The following FAM114A1 variants were observed in gnomAD, a reference collection of about 807,000 sequenced individuals.
FAM114A1 encodes family with sequence similarity 114 member A1.
A neutral mutation model predicts 64.3 loss-of-function variants in FAM114A1; 62 were observed. That is an observed-to-expected ratio of 0.96 (90% confidence interval 0.79 to 1.19). FAM114A1 has a LOEUF of 1.19. FAM114A1 is among the 50% of genes most tolerant of loss of function. FAM114A1 has a pLI of 0.00. For synonymous variants in FAM114A1, 254 were observed against 251.1 expected, an observed-to-expected ratio of 1.01 and a Z score of -0.11; for missense variants, 645 against 676.3, an observed-to-expected ratio of 0.95 and a Z score of 0.51.
intron 6 of FAM114A1, among the ~76,000 whole-genome samples, chr4:38,907,222 A>G (rs1398789348): frequency 6.6e-6 from 1 of 152,218 alleles, no homozygotes; most frequent in Non-Finnish European, 1.5e-5. Context: ...GTCAAGTAGC[A>G]ATACAAGTCA....
intron 2 of FAM114A1, among the ~76,000 whole-genome samples, chr4:38,869,116 A>G (rs1009709090): frequency 2.0e-5 from 3 of 152,244 alleles, no homozygotes; most frequent in African/African-American, 7.2e-5. Context: ...ATTTCAATTC[A>G]GTAAATATCT....
chr4:38,933,197 A>C (rs1043487159), intron 12 of FAM114A1, among the ~76,000 whole-genome samples: 2 of 152,212 alleles, frequency 1.3e-5, no homozygotes, highest in Non-Finnish European at 2.9e-5. Context: ...AGCAAGAAGA[A>C]GACTTAACTA....
At chr4:38,885,183 C>G (rs1340622508) in intron 3 of FAM114A1, among the ~76,000 whole-genome samples, 1 of 152,126 alleles carries the variant, frequency 6.6e-6, no homozygotes, top group African/African-American at 2.4e-5. Context: ...CCATGTTAGC[C>G]AGGCTGGTCT....
At position 38,872,558 on chromosome 4, in the gene FAM114A1, G is replaced by A. The variant is rs540264460; in HGVS notation, c.-9+4012G>A. ...TATCAGACAATGTCTACCATCTACC[G>A]ATTTAAAAAAATGAGAATAAAAGTG... On this transcript the variant is annotated intron_variant, in intron 2 of 14. Coordinates refer to ENST00000358869, the MANE Select transcript of FAM114A1 (RefSeq NM_138389.4). Among the ~76,000 whole-genome samples, 9 of 152,178 alleles carry A rather than the reference G, an allele frequency of 5.9e-5. No homozygotes were observed. The South Asian group carries it at 1.5e-3, about 25-fold the overall frequency.
chr4:38,929,989 A>T (rs1420845999), intron 10 of FAM114A1, among the ~76,000 whole-genome samples: 1 of 152,136 alleles, frequency 6.6e-6, no homozygotes, highest in East Asian at 1.9e-4. Context: ...AGGGCAGGGA[A>T]AAAGGGTGCA....
At chr4:38,884,530 G>A (rs548098920) in intron 3 of FAM114A1, among the ~76,000 whole-genome samples, 23 of 152,284 alleles carry the variant, frequency 1.5e-4, no homozygotes, top group African/African-American at 5.5e-4. Flanking sequence ...TTAGGGTTTT[G>A]TTTTGCTTTT....
chr4:38,932,038 C>A (rs1478673488), intron 11 of FAM114A1, among the ~76,000 whole-genome samples, 197 bp from the exon 12 acceptor site: 1 of 152,244 alleles, frequency 6.6e-6, no homozygotes, highest in Non-Finnish European at 1.5e-5. Flanking sequence ...AGACCTGCCA[C>A]ATCCGTGGGG....
intron 3 of FAM114A1, among the ~76,000 whole-genome samples, chr4:38,881,734 C>A (rs939576950): frequency 1.3e-5 from 2 of 152,176 alleles, no homozygotes; most frequent in Non-Finnish European, 2.9e-5. Flanking sequence ...TATGCCTAGT[C>A]TTTGATTATT....
chr4:38,923,725 CA>C (rs1180716110), intron 9 of FAM114A1, among the ~76,000 whole-genome samples: 2 of 152,198 alleles, frequency 1.3e-5, no homozygotes, highest in Non-Finnish European at 2.9e-5. Context: ...CATTTTCTGA[CA>C]GTGCACCAGG....
chr4:38,929,161 C>A, intron 9 of FAM114A1, 81 bp from the exon 10 acceptor site: 1 of 1,089,862 alleles, frequency 9.2e-7, no homozygotes, highest in Non-Finnish European at 1.4e-6. Flanking sequence ...ACCCCAGCTG[C>A]AGGCTGTAAT....
At chr4:38,920,194 G>A (rs1719453606) in intron 8 of FAM114A1, among the ~76,000 whole-genome samples, 1 of 151,126 alleles carries the variant, frequency 6.6e-6, no homozygotes, top group Non-Finnish European at 1.5e-5. Context: ...GCAGCAGAAT[G>A]AGACCCGTCT....
At chr4:38,881,893 T>G (rs972283753) in intron 3 of FAM114A1, among the ~76,000 whole-genome samples, 1 of 152,224 alleles carries the variant, frequency 6.6e-6, no homozygotes, top group African/African-American at 2.4e-5. Context: ...ACAAGGTGGT[T>G]GTTTGGATTG....
At chr4:38,888,231 C>T (rs979886258) in intron 3 of FAM114A1, among the ~76,000 whole-genome samples, 5 of 151,496 alleles carry the variant, frequency 3.3e-5, no homozygotes, top group Admixed American at 6.6e-5. Flanking sequence ...ATTTAAAGAA[C>T]GTTGAACTTG....
At chr4:38,905,727 T>G in intron 5 of FAM114A1, 28 bp from the exon 6 acceptor site, 4 of 1,610,834 alleles carry the variant, frequency 2.5e-6, no homozygotes, top group Non-Finnish European at 3.4e-6. Context: ...CGACGTGAAC[T>G]CTTAAAGGAT....
chr4:38,891,676 C>A, intron 3 of FAM114A1, 67 bp from the exon 4 acceptor site: 1 of 1,361,180 alleles, frequency 7.3e-7, no homozygotes, highest in Non-Finnish European at 1.0e-6. Context: ...TGTTTCAAAC[C>A]AATAGGTGTT....
intron 4 of FAM114A1, among the ~76,000 whole-genome samples, chr4:38,898,776 A>G (rs6531677): frequency 0.73 from 110,085 of 151,818 alleles, 42,188 homozygotes; most frequent in East Asian, 1. Flanking sequence ...TTTTTGCTGC[A>G]CTATAGTTCG....
chr4:38,924,048 A>G (rs28421891), intron 9 of FAM114A1, among the ~76,000 whole-genome samples: 29,964 of 152,118 alleles, frequency 0.2, 3,169 homozygotes, highest in Middle Eastern at 0.3. Context: ...TTCTCCTAGG[A>G]CCTTTGGAAG....
At position 38,898,014 on chromosome 4, in the gene FAM114A1, T is replaced by C. The variant is rs1040650631; in HGVS notation, c.436+6184T>C. On this transcript the variant is annotated intron_variant, in intron 4 of 14. Coordinates refer to ENST00000358869, the MANE Select transcript of FAM114A1 (RefSeq NM_138389.4). ...TAGTTCCAAATCCCACAGGATCTTATAGACCTGACTTGCTTCCAAAATGTA... is the reference window on the plus strand; with the variant it reads ...TAGTTCCAAATCCCACAGGATCTTACAGACCTGACTTGCTTCCAAAATGTA... Among the ~76,000 whole-genome samples, 18 of 151,930 alleles carry C rather than the reference T, an allele frequency of 1.2e-4. 1 individual carries two copies. In the South Asian group the frequency reaches 1.2e-3, roughly 11 times the overall value.
chr4:38,938,787 G>T (rs919913301), intron 13 of FAM114A1: 3 of 152,164 alleles, frequency 2.0e-5, no homozygotes, highest in Non-Finnish European at 4.4e-5. Context: ...CTAATTCCCA[G>T]TTGGTTATCC....
Sources: allele counts gnomAD v4.1 joint callset (sites outside exome capture counted in the v4.1 genomes callset), GRCh38; gene constraint gnomAD v4.1.1; transcripts MANE v1.5; gene names NCBI Gene and HGNC (gene_info 2026-07-23, HGNC 2026-07-21).